The following PEPD variants were observed in gnomAD, a reference collection of about 807,000 sequenced individuals.
The protein encoded by PEPD is peptidase D.
PEPD carries 53 observed loss-of-function variants against 60.7 expected under a neutral mutation model. The observed-to-expected ratio is 0.87, with a 90% CI of 0.70 to 1.10. PEPD has a LOEUF of 1.10. Ranked by LOEUF, PEPD falls within the 50% of genes least tolerant of loss-of-function variation. The probability of loss-of-function intolerance (pLI) is 0.00; values close to 1 mark genes in which losing one functional copy is unlikely to be tolerated. For missense variants in PEPD, 711 were observed against 711.9 expected (o/e 1.00, Z 0.01); for synonymous variants, 267 against 284.1 (o/e 0.94, Z 0.60).
At chr19:33,441,115 T>G (rs1189896521) in intron 9 of PEPD, among the ~76,000 whole-genome samples, 1 of 152,236 alleles carries the variant, frequency 6.6e-6, no homozygotes, top group African/African-American at 2.4e-5. Flanking sequence ...TGGCCCCACC[T>G]ATGGCATCTG....
In PEPD at chr19:33,387,248, C is replaced by T. The variant is rs1191204610; in HGVS notation, c.*96G>A. The stretch of plus-strand genomic sequence containing the variant: ...GAAGCTGGGATCTGATTCTGGGTGC[C>T]GTCTCTCGCTACTGGAGTGCTGACC... On this transcript the variant is annotated 3_prime_UTR_variant, in exon 15 of 15. Transcript: ENST00000244137. The T allele has an allele frequency of 2.1e-5, 30 of 1,423,318 alleles. No individual in the cohort carries two copies. Among genetic ancestry groups the T allele is most frequent in the East Asian group, 2.1e-4 (9 of 43,696 alleles). The allele number at this position is 1,423,318 out of a possible 1,614,324, so 88.2% of individuals were successfully genotyped here. A position where few individuals can be genotyped will look rare whatever the true frequency, so the allele number is the denominator to read the frequency against.
chr19:33,410,414 C>T (rs1007317109), intron 11 of PEPD, among the ~76,000 whole-genome samples: 14 of 152,174 alleles, frequency 9.2e-5, no homozygotes, highest in Admixed American at 2.0e-4. Context: ...GCTCAACGCT[C>T]GGCAGCTCTC....
intron 9 of PEPD, among the ~76,000 whole-genome samples, chr19:33,416,593 G>A (rs1391217213): frequency 2.0e-5 from 3 of 152,192 alleles, no homozygotes; most frequent in African/African-American, 4.8e-5. Context: ...AGCCCAGCGC[G>A]CACCTCCTCC....
In PEPD at chr19:33,413,580, G is replaced by T. The variant is rs199612179; in HGVS notation, c.735C>A (p.Cys245Ter). The T allele has an allele frequency of 6.4e-7, 1 of 1,565,292 alleles. No homozygotes were observed. Among genetic ancestry groups the T allele is most frequent in the South Asian group, 1.2e-5 (1 of 85,658 alleles). ...GMRHSSYTCI[C>*]GSGENSAVLH... ...AGCCAGGGTGCCCCGCTTACCTGCCGCAGATGCAGGTGTAGGAGCTGTGGC... is the reference window on the plus strand; with the variant it reads ...AGCCAGGGTGCCCCGCTTACCTGCCTCAGATGCAGGTGTAGGAGCTGTGGC... Residue 245 changes from cysteine (C) to a stop codon, truncating the protein, a stop_gained, in exon 10 of 15, where the codon TGC becomes TGA. Transcript: ENST00000244137. LOFTEE classifies it high-confidence loss of function.
chr19:33,457,714 G>A (rs574522803), intron 9 of PEPD, among the ~76,000 whole-genome samples: 1 of 152,338 alleles, frequency 6.6e-6, no homozygotes, highest in Non-Finnish European at 1.5e-5. Flanking sequence ...GTTTCACCGC[G>A]TTAGCCAGGA....
At chr19:33,408,062 A>C (rs1402374603) in intron 11 of PEPD, among the ~76,000 whole-genome samples, 1 of 152,360 alleles carries the variant, frequency 6.6e-6, no homozygotes, top group African/African-American at 2.4e-5. Flanking sequence ...ACTGTGGCCA[A>C]CAGTGGACTC....
chr19:33,396,961 C>T (rs1209158330), intron 12 of PEPD, among the ~76,000 whole-genome samples: 1 of 152,140 alleles, frequency 6.6e-6, no homozygotes, highest in Admixed American at 6.5e-5. Context: ...GTCCCAGCAG[C>T]GCCTCCCCCC....
At chr19:33,422,248 G>A (rs2145381207) in intron 9 of PEPD, among the ~76,000 whole-genome samples, 1 of 152,150 alleles carries the variant, frequency 6.6e-6, no homozygotes, top group East Asian at 1.9e-4. Flanking sequence ...CCCCTTCACA[G>A]GGAGGCATCC....
intron 12 of PEPD, among the ~76,000 whole-genome samples, chr19:33,399,329 G>A (rs555665551): frequency 2.0e-5 from 3 of 152,230 alleles, no homozygotes; most frequent in Admixed American, 1.3e-4. Flanking sequence ...TGTTTTCCTC[G>A]GCAGCTGCTA....
At chr19:33,439,489 C>T (rs530052330) in intron 9 of PEPD, among the ~76,000 whole-genome samples, 9 of 152,330 alleles carry the variant, frequency 5.9e-5, no homozygotes, top group African/African-American at 1.2e-4. Flanking sequence ...TAGGCCAGGG[C>T]GGGCTGGCCT....
intron 9 of PEPD, among the ~76,000 whole-genome samples, chr19:33,458,551 GGGTGTGTGT>G (rs1969859621): frequency 7.0e-6 from 1 of 143,048 alleles, no homozygotes; most frequent in Non-Finnish European, 1.5e-5. Context: ...GTGTGGTGTG[GGGTGTGTGT>G]GTGGTATGTG....
chr19:33,450,557 C>T (rs985194495), intron 9 of PEPD, among the ~76,000 whole-genome samples: 2 of 152,138 alleles, frequency 1.3e-5, no homozygotes, highest in African/African-American at 4.8e-5. Context: ...ACAAGCAAGG[C>T]ACTGAAAGTA....
intron 9 of PEPD, among the ~76,000 whole-genome samples, chr19:33,454,589 G>A (rs748612946): frequency 1.6e-4 from 24 of 150,358 alleles, no homozygotes; most frequent in East Asian, 1.4e-3. Flanking sequence ...GTGATGGAGC[G>A]AGACTCTGTC....
intron 1 of PEPD, among the ~76,000 whole-genome samples, chr19:33,515,357 G>A (rs1278181278): frequency 5.9e-5 from 9 of 152,148 alleles, no homozygotes; most frequent in Middle Eastern, 6.3e-3. Flanking sequence ...ACCCTCCCAG[G>A]AGGGTGAGCA....
chr19:33,469,760 T>G (rs1364851092), intron 7 of PEPD, among the ~76,000 whole-genome samples: 1 of 152,124 alleles, frequency 6.6e-6, no homozygotes, highest in Non-Finnish European at 1.5e-5. Flanking sequence ...CTACGCTGCC[T>G]GCCAGGCCCT....
chr19:33,492,043 CAAAAAAA>C (rs757173823), intron 5 of PEPD, among the ~76,000 whole-genome samples: 7 of 81,560 alleles, frequency 8.6e-5, no homozygotes, highest in Admixed American at 5.5e-4. Context: ...TATTCCATTT[CAAAAAAA>C]AAAAAAAAAA....
intron 6 of PEPD, among the ~76,000 whole-genome samples, chr19:33,480,942 T>C (rs763308506): frequency 3.3e-5 from 5 of 152,146 alleles, no homozygotes; most frequent in Non-Finnish European, 7.3e-5. Flanking sequence ...ATACACTTTA[T>C]GTTAGGTCAC....
intron 1 of PEPD, among the ~76,000 whole-genome samples, chr19:33,521,178 C>G (rs1971123677): frequency 6.6e-6 from 1 of 152,236 alleles, no homozygotes; most frequent in Non-Finnish European, 1.5e-5. Context: ...GGTAACATAC[C>G]TGCCCTTGCA....
chr19:33,465,573 CT>C (rs1264537355), intron 7 of PEPD, among the ~76,000 whole-genome samples: 2 of 152,162 alleles, frequency 1.3e-5, no homozygotes, highest in Non-Finnish European at 2.9e-5. Flanking sequence ...CTGAGATGCC[CT>C]TGTGACAGCA....
Sources: allele counts gnomAD v4.1 joint callset (sites outside exome capture counted in the v4.1 genomes callset), GRCh38; gene constraint gnomAD v4.1.1; transcripts MANE v1.5; gene names NCBI Gene and HGNC (gene_info 2026-07-23, HGNC 2026-07-21).